The following SEMA6D variants were observed in gnomAD, a reference collection of about 807,000 sequenced individuals.
SEMA6D encodes semaphorin-6D.
A neutral mutation model predicts 106.6 loss-of-function variants in SEMA6D; 35 were observed. The ratio of observed to expected loss-of-function variants is 0.33; its 90% CI spans 0.25 to 0.44. The LOEUF is 0.44. SEMA6D is among the 20% of genes least tolerant of loss of function. SEMA6D has a pLI of 1.00. For synonymous variants in SEMA6D, 499 were observed against 487.7 expected, an observed-to-expected ratio of 1.02 and a Z score of -0.31; for missense variants, 1,185 against 1,345.9, an observed-to-expected ratio of 0.88 and a Z score of 1.87.
intron 2 of SEMA6D, among the ~76,000 whole-genome samples, chr15:47,443,594 A>G (rs1384860264): frequency 6.6e-6 from 1 of 152,082 alleles, no homozygotes; most frequent in Non-Finnish European, 1.5e-5. Context: ...AGCTTCTTAA[A>G]TCTCTAATTC....
At chr15:47,492,589 A>G (rs1473132018) in intron 3 of SEMA6D, among the ~76,000 whole-genome samples, 1 of 152,132 alleles carries the variant, frequency 6.6e-6, no homozygotes, top group East Asian at 1.9e-4. Context: ...GAACCTGAAT[A>G]TGGCTTTGTT....
chr15:47,264,881 T>G (rs1242013539), intron 1 of SEMA6D, among the ~76,000 whole-genome samples: 1 of 152,072 alleles, frequency 6.6e-6, no homozygotes, highest in Non-Finnish European at 1.5e-5. Flanking sequence ...CTTTAAAAAA[T>G]TTTTCTCTAT....
At chr15:47,553,873 T>C (rs1382168450) in intron 3 of SEMA6D, among the ~76,000 whole-genome samples, 1 of 152,156 alleles carries the variant, frequency 6.6e-6, no homozygotes, top group Non-Finnish European at 1.5e-5. Context: ...ATTTCAAGAA[T>C]AAGGGGAAAA....
intron 1 of SEMA6D, among the ~76,000 whole-genome samples, chr15:47,260,500 T>C (rs1316718692): frequency 6.6e-6 from 1 of 152,086 alleles, no homozygotes; most frequent in Non-Finnish European, 1.5e-5. Context: ...CCTGAGGTGG[T>C]AGAAGTTCTT....
At chr15:47,758,686 G>A (rs975460392) in intron 1 of SEMA6D, among the ~76,000 whole-genome samples, 1 of 152,090 alleles carries the variant, frequency 6.6e-6, no homozygotes, top group Non-Finnish European at 1.5e-5. Flanking sequence ...CACCTATGAA[G>A]CATCACTTCA....
chr15:47,585,972 G>A (rs995799271), intron 3 of SEMA6D, among the ~76,000 whole-genome samples: 1 of 152,110 alleles, frequency 6.6e-6, no homozygotes, highest in African/African-American at 2.4e-5. Context: ...TGAGACTATG[G>A]GGGACCATTT....
upstream of SEMA6D, among the ~76,000 whole-genome samples, chr15:47,715,044 T>G (rs2079085376): frequency 6.6e-6 from 1 of 152,180 alleles, no homozygotes; most frequent in Non-Finnish European, 1.5e-5. Context: ...AGAAAAGCAC[T>G]TATGCCCATG....
chr15:47,642,992 G>C (rs1321452454), intron 4 of SEMA6D, among the ~76,000 whole-genome samples: 2 of 152,042 alleles, frequency 1.3e-5, no homozygotes, highest in African/African-American at 4.8e-5. Flanking sequence ...GACAGAGATG[G>C]AAATAGGGAG....
intron 1 of SEMA6D, among the ~76,000 whole-genome samples, chr15:47,755,463 G>T (rs2081664920): frequency 6.6e-6 from 1 of 152,166 alleles, no homozygotes; most frequent in Admixed American, 6.5e-5. Flanking sequence ...ATTTCTACTT[G>T]AATGTTGGGC....
upstream of SEMA6D, among the ~76,000 whole-genome samples, chr15:47,715,355 A>G (rs886256406): frequency 7.2e-5 from 11 of 152,228 alleles, no homozygotes; most frequent in African/African-American, 2.4e-4. Flanking sequence ...GTAGCTGCAT[A>G]AAGAGTTAGC....
At chr15:47,490,487 A>T (rs61702799) in intron 3 of SEMA6D, among the ~76,000 whole-genome samples, 3,092 of 152,166 alleles carry the variant, frequency 0.02, 112 homozygotes, top group African/African-American at 0.071. Context: ...CTACTAAAAA[A>T]TATAAAAATT....
At chr15:47,489,819 T>C (rs963135059) in intron 3 of SEMA6D, among the ~76,000 whole-genome samples, 7 of 151,908 alleles carry the variant, frequency 4.6e-5, no homozygotes, top group African/African-American at 1.7e-4. Context: ...TCCCAGCTGA[T>C]TTTTGTATTT....
intron 1 of SEMA6D, among the ~76,000 whole-genome samples, chr15:47,265,745 G>A (rs1021040251): frequency 6.6e-6 from 1 of 151,792 alleles, no homozygotes; most frequent in African/African-American, 2.4e-5. Context: ...TTGGGGTACC[G>A]ATTTCCCCCA....
At chr15:47,302,811 A>G (rs1207790105) in intron 1 of SEMA6D, among the ~76,000 whole-genome samples, 1 of 152,232 alleles carries the variant, frequency 6.6e-6, no homozygotes, top group South Asian at 2.1e-4. Flanking sequence ...GGCCCTGTCA[A>G]TGGAGCTTGA....
At chr15:47,370,175 C>CAG (rs897960247) in intron 1 of SEMA6D, among the ~76,000 whole-genome samples, 10 of 152,224 alleles carry the variant, frequency 6.6e-5, no homozygotes, top group African/African-American at 2.4e-4. Context: ...ACTTGAAAAA[C>CAG]TGAGGGCTTG....
chr15:47,636,446 T>G (rs1373935752), intron 4 of SEMA6D, among the ~76,000 whole-genome samples: 1 of 152,150 alleles, frequency 6.6e-6, no homozygotes, highest in Non-Finnish European at 1.5e-5. Context: ...TCAGGCTGTT[T>G]GCAGGGCTCC....
intron 3 of SEMA6D, among the ~76,000 whole-genome samples, chr15:47,477,390 A>G (rs1166210125): frequency 6.6e-6 from 1 of 152,166 alleles, no homozygotes; most frequent in African/African-American, 2.4e-5. Context: ...AAGAGCTTAC[A>G]TGCCCAACCC....
chr15:47,708,292 T>C (rs1246753862), intron 4 of SEMA6D, among the ~76,000 whole-genome samples: 1 of 152,216 alleles, frequency 6.6e-6, no homozygotes, highest in African/African-American at 2.4e-5. Context: ...TCCTGTTACT[T>C]GCCTCCAAGA....
chr15:47,593,566 A>G (rs2076481313), intron 3 of SEMA6D, among the ~76,000 whole-genome samples: 1 of 152,072 alleles, frequency 6.6e-6, no homozygotes, highest in African/African-American at 2.4e-5. Context: ...AAACACCAAG[A>G]CATTCTCCCT....
Sources: allele counts gnomAD v4.1 joint callset (sites outside exome capture counted in the v4.1 genomes callset), GRCh38; gene constraint gnomAD v4.1.1; transcripts MANE v1.5; gene names NCBI Gene and HGNC (gene_info 2026-07-23, HGNC 2026-07-21).